The following PRRC2B variants were observed in gnomAD, a reference collection of about 807,000 sequenced individuals.
PRRC2B encodes the protein proline rich coiled-coil 2B.
A neutral mutation model predicts 242.3 loss-of-function variants in PRRC2B; 68 were observed. The ratio of observed to expected loss-of-function variants is 0.28; its 90% CI spans 0.23 to 0.34. The LOEUF is 0.34. PRRC2B is among the 10% of genes least tolerant of loss of function. The probability of loss-of-function intolerance (pLI) is 1.00; values close to 1 mark genes in which losing one functional copy is unlikely to be tolerated. For missense variants in PRRC2B, 2,835 were observed against 2,954.8 expected (o/e 0.96, Z 0.94); for synonymous variants, 1,228 against 1,173.6 (o/e 1.05, Z -0.95).
chr9:131,385,460 A>T (rs773231078), intron 1 of PRRC2B, among the ~76,000 whole-genome samples: 1 of 150,260 alleles, frequency 6.7e-6, no homozygotes, highest in Non-Finnish European at 1.5e-5. Context: ...GGCCCAGCAC[A>T]TCAGCCTTGC....
intron 1 of PRRC2B, among the ~76,000 whole-genome samples, chr9:131,403,201 G>A (rs1588238323): frequency 6.6e-6 from 1 of 152,198 alleles, no homozygotes; most frequent in Non-Finnish European, 1.5e-5. Flanking sequence ...CTGCCCAACC[G>A]ACCTGTCGGT....
In PRRC2B at chr9:131,467,759, CAG is replaced by C. The variant is rs779610331; in HGVS notation, c.1911+8_1911+9del. The C allele has an allele frequency of 1.2e-6, 2 of 1,613,682 alleles. No individual in the cohort carries two copies. The highest frequency in any genetic ancestry group is 3.3e-5 in the Admixed American group (2 of 60,030). ...AGCAGCAGCAACAACAGCAGGTAAA[CAG>C]ATGAGATGGTAAAAGACTGTGATAA... On this transcript the variant is annotated splice_region_variant and intron_variant, in intron 13 of 31. Transcript: ENST00000683519.
intron 20 of PRRC2B, 47 bp downstream of exon 20, chr9:131,481,855 A>T (rs569336705): frequency 3.4e-6 from 5 of 1,490,944 alleles, no homozygotes; most frequent in African/African-American, 1.4e-5. Flanking sequence ...TGAGTGTGTG[A>T]GTGTGTGCTC....
At chr9:131,437,074 T>TGGGTCACAGGAAGACAAAAAGTGGC (rs1251443373) in intron 4 of PRRC2B, among the ~76,000 whole-genome samples, 10 of 152,066 alleles carry the variant, frequency 6.6e-5, no homozygotes, top group Admixed American at 5.2e-4. Flanking sequence ...CATGGAAGCT[T>TGGGTCACAGGAAGACAAAAAGTGGC]GGGTCACAGG....
At chr9:131,486,436 C>T (rs1944026823) in intron 26 of PRRC2B, 1 of 961,810 alleles carries the variant, frequency 1.0e-6, no homozygotes, top group Non-Finnish European at 1.2e-6. Flanking sequence ...CCTCCTGTGT[C>T]CTAGCCGGGG....
intron 1 of PRRC2B, among the ~76,000 whole-genome samples, chr9:131,408,775 AATG>A (rs1274141916): frequency 1.3e-5 from 2 of 151,784 alleles, no homozygotes; most frequent in Non-Finnish European, 2.9e-5. Context: ...CTGGAGTGCA[AATG>A]ATATGATCTC....
At chr9:131,405,539 GC>G (rs1186808504) in intron 1 of PRRC2B, among the ~76,000 whole-genome samples, 2 of 152,078 alleles carry the variant, frequency 1.3e-5, no homozygotes, top group Admixed American at 1.3e-4. Context: ...GGCGTCACTT[GC>G]CACCCCTCCT....
chr9:131,495,661 A>G, intron 31 of PRRC2B, 79 bp from the exon 32 acceptor site: 1 of 1,497,578 alleles, frequency 6.7e-7, no homozygotes, highest in Non-Finnish European at 9.1e-7. Context: ...CAGGAGCAGG[A>G]AGGGAGTGGT....
intron 1 of PRRC2B, among the ~76,000 whole-genome samples, chr9:131,403,265 A>C (rs1305118946): frequency 1.3e-5 from 2 of 152,178 alleles, no homozygotes; most frequent in African/African-American, 2.4e-5. Context: ...AGTGTCCTGA[A>C]TCATAATGTG....
At chr9:131,389,918 T>G (rs538663376), upstream of PRRC2B, among the ~76,000 whole-genome samples, 1,330 of 124,486 alleles carry the variant, frequency 0.011, 81 homozygotes, top group Non-Finnish European at 0.018. Context: ...CATGGTTGTT[T>G]TTTTTTTTGT....
intron 9 of PRRC2B, among the ~76,000 whole-genome samples, chr9:131,450,218 G>T (rs7853919): frequency 3.3e-5 from 5 of 152,140 alleles, no homozygotes; most frequent in East Asian, 1.9e-4. Flanking sequence ...CGGGCATTTT[G>T]GTTAGGATTA....
chr9:131,443,234 C>T (rs1310558881), intron 5 of PRRC2B, among the ~76,000 whole-genome samples: 4 of 150,472 alleles, frequency 2.7e-5, no homozygotes, highest in South Asian at 2.1e-4. Context: ...CCTGGGTTCA[C>T]GCCATTCTCC....
At chr9:131,376,525 C>G (rs1368400625) in intron 1 of PRRC2B, among the ~76,000 whole-genome samples, 2 of 152,094 alleles carry the variant, frequency 1.3e-5, no homozygotes, top group Non-Finnish European at 2.9e-5. Context: ...TTCCCAGCCC[C>G]CTGTGTAGTT....
At chr9:131,472,933 T>C (rs1943586430) in intron 14 of PRRC2B, among the ~76,000 whole-genome samples, 1 of 152,226 alleles carries the variant, frequency 6.6e-6, no homozygotes, top group Non-Finnish European at 1.5e-5. Context: ...ATGTTAGTGG[T>C]TACGTGAAAA....
rs1308352779 is a variant in PRRC2B, at chr9:131,459,179, T to C, written c.1227T>C (p.Pro409=). The change falls in exon 11 of 32, where the codon CCT becomes CCC. Residue 409 remains proline, a synonymous_variant. Coordinates refer to ENST00000683519, the MANE Select transcript of PRRC2B (RefSeq NM_013318.4). ...DGRPKWNSWD[P]RRQRQLSMSS... ...TTTGTCCTAGGAACAGTTGGGACCC[T>C]AGGAGGCAGCGGCAGTTGTCAATGA... The C allele has an allele frequency of 6.2e-7, 1 of 1,613,868 alleles. No individual in the cohort carries two copies. Among genetic ancestry groups the C allele is most frequent in the African/African-American group, 1.3e-5 (1 of 75,030 alleles).
At chr9:131,472,395 C>T (rs1943570898) in intron 14 of PRRC2B, among the ~76,000 whole-genome samples, 1 of 151,968 alleles carries the variant, frequency 6.6e-6, no homozygotes, top group African/African-American at 2.4e-5. Flanking sequence ...ACCTCCGCCT[C>T]CCGGGTTCAA....
chr9:131,413,251 C>T (rs1837551459), intron 1 of PRRC2B, among the ~76,000 whole-genome samples: 1 of 152,142 alleles, frequency 6.6e-6, no homozygotes, highest in South Asian at 2.1e-4. Context: ...TTGTTCTCCT[C>T]TGCCTTCGCC....
chr9:131,427,636 A>G (rs1838011281), intron 1 of PRRC2B, among the ~76,000 whole-genome samples: 2 of 151,766 alleles, frequency 1.3e-5, no homozygotes, highest in Admixed American at 1.3e-4. Context: ...GGCCCATAAT[A>G]TAGAGTTTTA....
intron 1 of PRRC2B, among the ~76,000 whole-genome samples, chr9:131,406,521 C>G (rs553651650): frequency 6.6e-6 from 1 of 152,112 alleles, no homozygotes; most frequent in Non-Finnish European, 1.5e-5. Flanking sequence ...GACCTCAGGC[C>G]GACAGGAGTG....
Sources: gnomAD v4.1 joint callset for allele counts (sites outside exome capture counted in the v4.1 genomes callset) on GRCh38, gnomAD v4.1.1 for gene constraint, MANE v1.5 for transcripts, NCBI Gene and HGNC (gene_info 2026-07-23, HGNC 2026-07-21) for gene names.